FAN1: variants seen among roughly 807,000 people sequenced by gnomAD.
The protein encoded by FAN1 is fanconi-associated nuclease 1.
FAN1 carries 91 observed loss-of-function variants against 104.9 expected under a neutral mutation model. The observed-to-expected ratio is 0.87, with a 90% CI of 0.73 to 1.03. The LOEUF (loss-of-function observed/expected upper bound fraction) is 1.03, where lower values mean the gene tolerates loss of function less well. Among genes scored for constraint, FAN1 ranks in the 50% least tolerant of loss-of-function variants. FAN1 has a pLI of 0.00. For missense variants in FAN1, 1,263 were observed against 1,239.9 expected (o/e 1.02, Z -0.28); for synonymous variants, 478 against 457.6 (o/e 1.04, Z -0.57).
chr15:30,928,652 G>A lies in FAN1; in HGVS notation c.2588G>A (p.Cys863Tyr). ...ATTCCGGATGTCTTCAGAAACGCCT[G>A]TCAGGTACTCCAGTGCCCCTGCCCC... ...DGIPDVFRNA[C>Y]QAFPLDLCTD... The change falls in exon 11 of 15, where the codon TGT becomes TAT. Residue 863 changes from cysteine (C) to tyrosine (Y), a missense_variant. This residue lies in a region of FAN1 where 581 missense variants were observed against 668.8 expected (regional missense o/e 0.87). Transcript: ENST00000362065. 6.2e-7 allele frequency: 1 copy of A among 1,613,986 alleles called. No individual in the cohort carries two copies. Among genetic ancestry groups the A allele is most frequent in the Non-Finnish European group, 8.5e-7 (1 of 1,179,968 alleles).
intron 5 of FAN1, among the ~76,000 whole-genome samples, chr15:30,915,130 A>G (rs1024149873): frequency 6.6e-6 from 1 of 152,262 alleles, no homozygotes; most frequent in Non-Finnish European, 1.5e-5. Context: ...GCCATAAAAA[A>G]GAATGAAATT....
At position 30,914,073 on chromosome 15, in the gene FAN1, A is replaced by G. The variant is rs761508673; in HGVS notation, c.1793A>G (p.Asp598Gly). The change falls in exon 5 of 15, where the codon GAC becomes GGC. Residue 598 changes from aspartate to glycine, a missense_variant. By Grantham distance (94) the Asp-to-Gly change is moderately conservative. Coordinates refer to ENST00000362065, the MANE Select transcript of FAN1 (RefSeq NM_014967.5). ...TINRKTHIFQ[D>G]RDDLIRYAAA... The stretch of plus-strand genomic sequence containing the variant: ...AATCGGAAAACCCACATCTTCCAAG[A>G]CAGAGATGATCTTATCAGGTAAGAT... 6.2e-7 allele frequency: 1 copy of G among 1,613,012 alleles called. No homozygotes were observed. The highest frequency in any genetic ancestry group is 8.5e-7 in the Non-Finnish European group (1 of 1,178,958).
intron 4 of FAN1, among the ~76,000 whole-genome samples, chr15:30,913,609 C>T (rs907813152): frequency 1.3e-5 from 2 of 152,204 alleles, no homozygotes; most frequent in African/African-American, 2.4e-5. Flanking sequence ...TAAACCCCAA[C>T]CTACTGTGCA....
intron 10 of FAN1, 84 bp downstream of exon 10, chr15:30,926,023 T>C (rs1384416715): frequency 1.4e-6 from 2 of 1,387,432 alleles, no homozygotes; most frequent in African/African-American, 1.4e-5. Flanking sequence ...AGTGGGCTGC[T>C]GTCCTCTCTC....
intron 13 of FAN1, among the ~76,000 whole-genome samples, chr15:30,931,989 G>A (rs565764417): frequency 1.3e-5 from 2 of 151,496 alleles, no homozygotes; most frequent in South Asian, 2.1e-4. Context: ...TTGGGAGACA[G>A]AGGTGGGCGG....
rs1251705917 is a variant in FAN1, at chr15:30,908,252, CA to C, written c.1370del (p.Gln457ArgfsTer21). 6.2e-7 allele frequency: 1 copy of C among 1,603,010 alleles called. No individual in the cohort carries two copies. Among genetic ancestry groups the C allele is most frequent in the Non-Finnish European group, 8.5e-7 (1 of 1,175,694 alleles). On this transcript the variant is annotated frameshift_variant, in exon 3 of 15. Coordinates refer to ENST00000362065, the MANE Select transcript of FAN1 (RefSeq NM_014967.5). LOFTEE classifies it high-confidence loss of function. ...IEELTNAGFL[Q>X]TESELQELSE... ...AGAATTGACGAATGCAGGCTTTCTA[CA>C]GACAGGTATGACTAGTAGAAGGAGA...
chr15:30,906,504 G>A (rs1456602569), intron 2 of FAN1: 1 of 456,592 alleles, frequency 2.2e-6, no homozygotes, highest in Non-Finnish European at 4.4e-6. Context: ...CAGCAGTGCA[G>A]GTTTGTAGTA....
chr15:30,935,085 T>A (rs1488374782), intron 13 of FAN1, among the ~76,000 whole-genome samples: 2 of 152,166 alleles, frequency 1.3e-5, no homozygotes, highest in East Asian at 3.9e-4. Context: ...GTGGGCGGAT[T>A]GCTTGGGCTC....
intron 8 of FAN1, among the ~76,000 whole-genome samples, chr15:30,923,360 G>A (rs528106503): frequency 3.3e-5 from 5 of 152,172 alleles, no homozygotes; most frequent in African/African-American, 1.2e-4. Flanking sequence ...TGTTTCTGTC[G>A]CCTTTCTTTC....
Position 30,941,555 on chromosome 15 carries a change from C to T in FAN1, c.*4-11C>T, listed in dbSNP as rs369093922. On this transcript the variant is annotated splice_polypyrimidine_tract_variant and intron_variant, in intron 14 of 14. Coordinates refer to ENST00000362065, the MANE Select transcript of FAN1 (RefSeq NM_014967.5). ...GCTTAATGGTGTTCCTAAAATGCTT[C>T]GTCTGCACAGATTCCCTACAGGAGA... 32 of 1,603,526 alleles carry T rather than the reference C, an allele frequency of 2.0e-5. No individual in the cohort carries two copies. The highest frequency in any genetic ancestry group is 1.6e-4 in the Middle Eastern group (1 of 6,074).
At position 30,913,919 on chromosome 15, in the gene FAN1, C is replaced by G; in HGVS notation, c.1639C>G (p.Arg547Gly). 6.2e-7 allele frequency: 1 copy of G among 1,614,160 alleles called. No individual in the cohort carries two copies. Among genetic ancestry groups the G allele is most frequent in the Non-Finnish European group, 8.5e-7 (1 of 1,180,032 alleles). The change falls in exon 5 of 15, where the codon CGC becomes GGC. Residue 547 changes from arginine to glycine, a missense_variant. By Grantham distance (125) the Arg-to-Gly change is moderately radical. Transcript: ENST00000362065. The part of the protein sequence containing the change: ...ICKGPRAVFS[R>G]ILLLFSLTDS... ...TAAAGGCCCCAGGGCTGTGTTTTCCCGCATCTTGCTACTGTTTTCGTTGAC... is the reference window on the plus strand; with the variant it reads ...TAAAGGCCCCAGGGCTGTGTTTTCCGGCATCTTGCTACTGTTTTCGTTGAC...
chr15:30,942,117 G>C lies in FAN1; in HGVS notation c.*555G>C. 6.4e-7 allele frequency: 1 copy of C among 1,561,232 alleles called. No homozygotes were observed. The highest frequency in any genetic ancestry group is 1.2e-5 in the South Asian group (1 of 82,436). On this transcript the variant is annotated 3_prime_UTR_variant, in exon 15 of 15. Coordinates refer to ENST00000362065, the MANE Select transcript of FAN1 (RefSeq NM_014967.5). Reference sequence around the variant, plus strand: ...TTATGTTCCGGGGATTCCCTTTTTAGAAAGATTGAAGGATGCAATGGCAAA... The same window carrying C: ...TTATGTTCCGGGGATTCCCTTTTTACAAAGATTGAAGGATGCAATGGCAAA...
intron 5 of FAN1, 106 bp downstream of exon 5, chr15:30,914,197 C>T: frequency 1.3e-6 from 1 of 772,422 alleles, no homozygotes; most frequent in Non-Finnish European, 2.1e-6. Flanking sequence ...AGTCCACAGC[C>T]AAAACAGTTT....
chr15:30,930,028 T>C (rs1449394074), intron 12 of FAN1, among the ~76,000 whole-genome samples: 2 of 137,872 alleles, frequency 1.5e-5, no homozygotes, highest in African/African-American at 5.4e-5. Context: ...TATAATAATA[T>C]ATATATTAAT....
chr15:30,906,464 A>G (rs1407171599), intron 2 of FAN1: 1 of 456,646 alleles, frequency 2.2e-6, no homozygotes, highest in African/African-American at 2.0e-5. Flanking sequence ...CTATGCCTGA[A>G]GTCCTTGGCA....
intron 13 of FAN1, among the ~76,000 whole-genome samples, chr15:30,934,678 C>T (rs2062804769): frequency 6.6e-6 from 1 of 152,082 alleles, no homozygotes; most frequent in African/African-American, 2.4e-5. Context: ...AGTGCCTGGC[C>T]CTGTCTTATT....
chr15:30,914,852 T>C (rs957331706), intron 5 of FAN1, among the ~76,000 whole-genome samples: 4 of 152,246 alleles, frequency 2.6e-5, no homozygotes, highest in African/African-American at 9.6e-5. Context: ...TTTTCACTAA[T>C]TTATATTGGC....
intron 7 of FAN1, 34 bp from the exon 8 acceptor site, chr15:30,922,201 A>C: frequency 1.3e-6 from 2 of 1,594,484 alleles, no homozygotes; most frequent in Non-Finnish European, 1.7e-6. Flanking sequence ...TTTTTTGTGA[A>C]TCTAATGAGG....
intron 14 of FAN1, chr15:30,941,070 T>A: frequency 1.7e-6 from 2 of 1,190,250 alleles, no homozygotes; most frequent in Non-Finnish European, 1.1e-6. Flanking sequence ...CTGCTGGAGG[T>A]TTTATCAGAT....
Sources: allele counts gnomAD v4.1 joint callset (sites outside exome capture counted in the v4.1 genomes callset), GRCh38; gene constraint gnomAD v4.1.1; regional missense constraint gnomAD v4.1.1; transcripts MANE v1.5; gene names NCBI Gene and HGNC (gene_info 2026-07-23, HGNC 2026-07-21).